The following CLVS1 variants were observed in gnomAD, a reference collection of about 807,000 sequenced individuals.
The protein encoded by CLVS1 is clavesin 1.
A neutral mutation model predicts 33.1 loss-of-function variants in CLVS1; 10 were observed. The observed-to-expected ratio is 0.30, with a 90% CI of 0.19 to 0.51. CLVS1 has a LOEUF of 0.51. CLVS1 is among the 20% of genes least tolerant of loss of function. The pLI, the probability that CLVS1 is intolerant of heterozygous loss-of-function variation, is 0.97. For synonymous variants in CLVS1, 163 were observed against 166.1 expected (o/e 0.98, Z 0.14); for missense variants, 343 against 433.4 (o/e 0.79, Z 1.85).
At chr8:61,176,765 T>C (rs1585664596) in intron 2 of CLVS1, among the ~76,000 whole-genome samples, 1 of 151,380 alleles carries the variant, frequency 6.6e-6, no homozygotes, top group Non-Finnish European at 1.5e-5. Flanking sequence ...CCAAGGGAGG[T>C]GATAAGTTAG....
chr8:61,108,217 CAAA>C (rs577723258), intron 1 of CLVS1, among the ~76,000 whole-genome samples: 1 of 69,062 alleles, frequency 1.4e-5, no homozygotes, highest in Admixed American at 1.6e-4. Context: ...GACTCCGTCT[CAAA>C]AAAAAAAAAA....
At chr8:61,265,477 G>A (rs947350987) in intron 2 of CLVS1, among the ~76,000 whole-genome samples, 1 of 152,088 alleles carries the variant, frequency 6.6e-6, no homozygotes, top group East Asian at 1.9e-4. Context: ...TTGAAATTTT[G>A]TGAAGTTTAA....
intron 3 of CLVS1, among the ~76,000 whole-genome samples, chr8:61,389,775 G>A (rs7829155): frequency 0.021 from 3,144 of 152,266 alleles, 89 homozygotes; most frequent in African/African-American, 0.071. Flanking sequence ...CAGCACGGAA[G>A]TGCATAAAAT....
intron 2 of CLVS1, among the ~76,000 whole-genome samples, chr8:61,271,638 G>T (rs1351582983): frequency 1.3e-5 from 1 of 77,198 alleles, no homozygotes; most frequent in Non-Finnish European, 2.0e-5. Flanking sequence ...CATTATTATT[G>T]TGTGGGAGTC....
chr8:60,983,316 T>C, the CLVS1 span, among the ~76,000 whole-genome samples: 1 of 152,224 alleles, frequency 6.6e-6, no homozygotes, highest in Non-Finnish European at 1.5e-5. Context: ...TTATTTATCA[T>C]GCACGTTATT....
chr8:61,441,153 CT>C (rs1816527847), intron 3 of CLVS1, among the ~76,000 whole-genome samples: 1 of 152,152 alleles, frequency 6.6e-6, no homozygotes, highest in Admixed American at 6.6e-5. Flanking sequence ...AACCTGTCTT[CT>C]TCTATGTGGG....
intron 2 of CLVS1, among the ~76,000 whole-genome samples, chr8:61,317,613 G>A (rs1285811462): frequency 4.6e-5 from 7 of 152,042 alleles, no homozygotes; most frequent in Non-Finnish European, 2.9e-5. Flanking sequence ...CCTTAGCACC[G>A]CTGTTGGTCT....
chr8:60,991,905 C>G, the CLVS1 span, among the ~76,000 whole-genome samples: 383 of 152,106 alleles, frequency 2.5e-3, 1 homozygote, highest in African/African-American at 8.8e-3. Flanking sequence ...TGTCACTGCA[C>G]CCAGCTAATT....
At chr8:61,102,445 A>G (rs1805467737) in intron 1 of CLVS1, among the ~76,000 whole-genome samples, 1 of 152,194 alleles carries the variant, frequency 6.6e-6, no homozygotes, top group African/African-American at 2.4e-5. Flanking sequence ...TTGTATATTT[A>G]TCTTGCATCC....
intron 2 of CLVS1, among the ~76,000 whole-genome samples, chr8:61,151,039 C>A (rs1031857579): frequency 6.6e-6 from 1 of 152,158 alleles, no homozygotes; most frequent in Non-Finnish European, 1.5e-5. Context: ...TATGTTTGAG[C>A]AGTTTAGATT....
At chr8:61,194,050 T>G (rs1253400787) in intron 2 of CLVS1, among the ~76,000 whole-genome samples, 1 of 72,658 alleles carries the variant, frequency 1.4e-5, no homozygotes, top group Non-Finnish European at 3.7e-5. Context: ...ATAAATACTA[T>G]ATAAGAGAAA....
intron 5 of CLVS1, among the ~76,000 whole-genome samples, chr8:61,494,241 T>A (rs747175676): frequency 6.6e-6 from 1 of 151,682 alleles, no homozygotes; most frequent in Admixed American, 6.6e-5. Context: ...AAGTTCCAAT[T>A]TTGGGGAAGA....
At chr8:61,296,156 T>G (rs1012518193) in intron 1 of CLVS1, among the ~76,000 whole-genome samples, 1 of 152,174 alleles carries the variant, frequency 6.6e-6, no homozygotes, top group Non-Finnish European at 1.5e-5. Context: ...AGCAGTCTAT[T>G]CAGACTTCTG....
intron 2 of CLVS1, among the ~76,000 whole-genome samples, chr8:61,180,389 C>A (rs1265946289): frequency 6.6e-6 from 1 of 152,140 alleles, no homozygotes; most frequent in Non-Finnish European, 1.5e-5. Context: ...GGTGGATTCA[C>A]AGCCAAACTC....
chr8:61,185,865 A>C lies in CLVS1; in HGVS notation c.-152+54005A>C, dbSNP rs558801130. Among the ~76,000 whole-genome samples, 6 of 152,336 alleles carry C rather than the reference A, an allele frequency of 3.9e-5. No homozygotes were observed. In the South Asian group the frequency reaches 1.2e-3, roughly 32 times the overall value. On this transcript the variant is annotated intron_variant, in intron 2 of 2. Transcript: ENST00000522621. ...AAGGACCATGATAATTTAATGGGCA[A>C]ATACAAAAGCCTTTTGCAAGGTGTA...
upstream of CLVS1, among the ~76,000 whole-genome samples, chr8:61,285,465 C>T (rs1335183215): frequency 6.6e-6 from 1 of 152,172 alleles, no homozygotes; most frequent in African/African-American, 2.4e-5. Context: ...CAGCTCCGCA[C>T]ATGGAAGCTG....
At chr8:61,437,989 T>G (rs1284697829) in intron 3 of CLVS1, among the ~76,000 whole-genome samples, 1 of 152,206 alleles carries the variant, frequency 6.6e-6, no homozygotes, top group Non-Finnish European at 1.5e-5. Context: ...GGCCTCTGAA[T>G]TGATGTGTGA....
intron 5 of CLVS1, among the ~76,000 whole-genome samples, chr8:61,471,186 T>C (rs1196563633): frequency 6.6e-6 from 1 of 152,230 alleles, no homozygotes; most frequent in Non-Finnish European, 1.5e-5. Context: ...GTAACCTTGC[T>C]GAGTCTCAGC....
chr8:61,402,094 A>G (rs1437971196), intron 3 of CLVS1, among the ~76,000 whole-genome samples: 1 of 152,178 alleles, frequency 6.6e-6, no homozygotes. Flanking sequence ...AGACAGATGG[A>G]TGAATGTTGA....
Sources: gnomAD v4.1 joint callset for allele counts (sites outside exome capture counted in the v4.1 genomes callset) on GRCh38, gnomAD v4.1.1 for gene constraint, MANE v1.5 for transcripts, NCBI Gene and HGNC (gene_info 2026-07-23, HGNC 2026-07-21) for gene names.